Variants in LPP observed in about 807,000 individuals in gnomAD.
LPP encodes LIM domain containing preferred translocation partner in lipoma, also known as lipoma-preferred partner.
LPP carries 38 observed loss-of-function variants against 60.4 expected under a neutral mutation model. That is an observed-to-expected ratio of 0.63 (90% CI 0.49 to 0.83). LPP has a LOEUF of 0.83. LPP is among the 40% of genes least tolerant of loss of function. LPP has a pLI of 0.00. For synonymous variants in LPP, 328 were observed against 290.8 expected, an observed-to-expected ratio of 1.13 and a Z score of -1.30; for missense variants, 902 against 783.6, an observed-to-expected ratio of 1.15 and a Z score of -1.80.
chr3:188,394,849 G>T (rs1006990558), intron 3 of LPP, among the ~76,000 whole-genome samples: 1 of 152,056 alleles, frequency 6.6e-6, no homozygotes, highest in Admixed American at 6.6e-5. Flanking sequence ...AAATAAAAGT[G>T]GAACAACTTC....
chr3:188,195,098 A>G (rs1729158225), intron 1 of LPP, among the ~76,000 whole-genome samples: 1 of 152,244 alleles, frequency 6.6e-6, no homozygotes, highest in South Asian at 2.1e-4. Flanking sequence ...GTCTCTACTA[A>G]AAGTACAAAA....
At chr3:188,271,028 C>G (rs1244659284) in intron 2 of LPP, among the ~76,000 whole-genome samples, 1 of 152,078 alleles carries the variant, frequency 6.6e-6, no homozygotes. Context: ...TAATTTTGCC[C>G]GAGATTTTCC....
intron 3 of LPP, among the ~76,000 whole-genome samples, chr3:188,376,274 C>T (rs2151138084): frequency 6.6e-6 from 1 of 151,282 alleles, no homozygotes; most frequent in South Asian, 2.1e-4. Flanking sequence ...AACTTTCTGT[C>T]TTGTTGATCT....
intron 3 of LPP, among the ~76,000 whole-genome samples, chr3:188,348,626 T>G (rs1383133198): frequency 6.6e-6 from 1 of 152,234 alleles, no homozygotes; most frequent in Non-Finnish European, 1.5e-5. Flanking sequence ...CTTCTCAAAG[T>G]TTGGTCTGAG....
At chr3:188,541,893 A>ATC (rs1825286297) in intron 6 of LPP, among the ~76,000 whole-genome samples, 1 of 152,124 alleles carries the variant, frequency 6.6e-6, no homozygotes, top group South Asian at 2.1e-4. Flanking sequence ...GCGAAACTCC[A>ATC]TCACACACAC....
intron 1 of LPP, among the ~76,000 whole-genome samples, chr3:188,201,394 C>T (rs1381316624): frequency 6.6e-6 from 1 of 152,148 alleles, no homozygotes; most frequent in Admixed American, 6.5e-5. Context: ...GTAGTACCAT[C>T]TCATTATGGG....
intron 6 of LPP, among the ~76,000 whole-genome samples, chr3:188,571,093 A>AG (rs1234533669): frequency 6.6e-6 from 1 of 152,104 alleles, no homozygotes; most frequent in Non-Finnish European, 1.5e-5. Flanking sequence ...GAACTGCTAA[A>AG]GAAAAAAAAA....
At chr3:188,311,839 A>G (rs1201660969) in intron 2 of LPP, among the ~76,000 whole-genome samples, 5 of 151,942 alleles carry the variant, frequency 3.3e-5, no homozygotes, top group African/African-American at 7.3e-5. Flanking sequence ...GAGTTTCACC[A>G]TATTGGCCAG....
chr3:188,819,748 G>T (rs1753462579), intron 9 of LPP, among the ~76,000 whole-genome samples: 2 of 152,068 alleles, frequency 1.3e-5, no homozygotes, highest in South Asian at 2.1e-4. Context: ...TCAGGCAGAG[G>T]GGCAGGAATG....
chr3:188,631,441 A>G (rs1263138598), intron 7 of LPP, among the ~76,000 whole-genome samples: 3 of 152,192 alleles, frequency 2.0e-5, no homozygotes, highest in African/African-American at 4.8e-5. Flanking sequence ...TATTTTGTGC[A>G]ATTAGCATCA....
At chr3:188,753,368 C>T (rs1728711764) in intron 8 of LPP, among the ~76,000 whole-genome samples, 1 of 152,098 alleles carries the variant, frequency 6.6e-6, no homozygotes, top group African/African-American at 2.4e-5. Context: ...GTGGGACTCC[C>T]CCTCCTAATT....
At chr3:188,436,149 G>T (rs1010237435) in intron 4 of LPP, among the ~76,000 whole-genome samples, 3 of 152,172 alleles carry the variant, frequency 2.0e-5, no homozygotes, top group African/African-American at 7.2e-5. Context: ...CTTCCATTGT[G>T]TAGATTACTA....
intron 4 of LPP, among the ~76,000 whole-genome samples, chr3:188,453,164 A>T (rs1796976844): frequency 6.6e-6 from 1 of 152,014 alleles, no homozygotes; most frequent in Non-Finnish European, 1.5e-5. Context: ...TAGGTTCCGG[A>T]TTCATACAGG....
At chr3:188,414,974 T>C (rs1336229634) in intron 4 of LPP, among the ~76,000 whole-genome samples, 1 of 152,174 alleles carries the variant, frequency 6.6e-6, no homozygotes, top group Non-Finnish European at 1.5e-5. Flanking sequence ...GAAGTCCCTG[T>C]ATTGTTGACA....
At chr3:188,203,432 AATATATATTT>A (rs1731785051) in intron 1 of LPP, among the ~76,000 whole-genome samples, 1 of 94,504 alleles carries the variant, frequency 1.1e-5, no homozygotes, top group Non-Finnish European at 1.8e-5. Context: ...TATAAATATA[AATATATATTT>A]ATATAAATAT....
chr3:188,707,595 G>C (rs573073556), intron 7 of LPP, among the ~76,000 whole-genome samples: 1 of 152,192 alleles, frequency 6.6e-6, no homozygotes, highest in East Asian at 1.9e-4. Flanking sequence ...TCCTTAACTG[G>C]AACAAAAGAA....
intron 4 of LPP, among the ~76,000 whole-genome samples, chr3:188,466,137 T>C (rs1050536535): frequency 6.6e-6 from 1 of 152,114 alleles, no homozygotes; most frequent in Non-Finnish European, 1.5e-5. Context: ...AATAGTTCAG[T>C]AGAATATAAC....
At chr3:188,293,459 C>T (rs1308167793) in intron 2 of LPP, among the ~76,000 whole-genome samples, 4 of 152,284 alleles carry the variant, frequency 2.6e-5, no homozygotes, top group African/African-American at 9.6e-5. Flanking sequence ...AAGGTACTGC[C>T]ACCTCATTCC....
At chr3:188,774,522 T>C (rs982657406) in intron 9 of LPP, among the ~76,000 whole-genome samples, 1 of 152,154 alleles carries the variant, frequency 6.6e-6, no homozygotes, top group African/African-American at 2.4e-5. Context: ...CCCAAAGCAA[T>C]ACCTCTCACT....
Sources: allele counts gnomAD v4.1 joint callset (sites outside exome capture counted in the v4.1 genomes callset), GRCh38; gene constraint gnomAD v4.1.1; transcripts MANE v1.5; gene names NCBI Gene and HGNC (gene_info 2026-07-23, HGNC 2026-07-21).